The following SMARCA4 variants were observed in gnomAD, a reference collection of about 807,000 sequenced individuals.
The protein encoded by SMARCA4 is SWI/SNF related BAF chromatin remodeling complex subunit ATPase 4.
SMARCA4 carries 31 observed loss-of-function variants against 193.9 expected under a neutral mutation model. The ratio of observed to expected loss-of-function variants is 0.16; its 90% CI spans 0.12 to 0.22. The LOEUF (loss-of-function observed/expected upper bound fraction) is 0.22. Ranked by LOEUF, SMARCA4 falls within the 10% of genes least tolerant of loss-of-function variation. SMARCA4 has a pLI of 1.00. For synonymous variants in SMARCA4, 942 were observed against 933.1 expected (o/e 1.01, Z -0.17); for missense variants, 1,148 against 2,296.0 (o/e 0.50, Z 10.22).
At chr19:11,021,990 A>T (rs753218826) in intron 19 of SMARCA4, 23 bp downstream of exon 19, 1 of 1,611,478 alleles carries the variant, frequency 6.2e-7, no homozygotes, top group East Asian at 2.2e-5. Context: ...AGCTGTGCCC[A>T]TGCTGACGGT....
chr19:11,061,095 G>A (rs1191463294), intron 34 of SMARCA4, among the ~76,000 whole-genome samples: 1 of 151,498 alleles, frequency 6.6e-6, no homozygotes, highest in Admixed American at 6.6e-5. Flanking sequence ...AACTGAGGCA[G>A]GAGGCTCACT....
At chr19:11,028,250 G>A (rs1260370270) in intron 24 of SMARCA4, among the ~76,000 whole-genome samples, 1 of 152,216 alleles carries the variant, frequency 6.6e-6, no homozygotes, top group African/African-American at 2.4e-5. Context: ...TCCATACCAT[G>A]TGGACACAGG....
chr19:10,978,625 C>T (rs888713824), intron 1 of SMARCA4, among the ~76,000 whole-genome samples: 7 of 151,476 alleles, frequency 4.6e-5, no homozygotes, highest in Non-Finnish European at 8.8e-5. Flanking sequence ...CACGCCCGGC[C>T]GATACTTTCT....
intron 29 of SMARCA4, 80 bp downstream of exon 29, chr19:11,035,212 C>T: frequency 7.4e-7 from 1 of 1,352,832 alleles, no homozygotes; most frequent in African/African-American, 1.4e-5. Flanking sequence ...ACCGCCAGGA[C>T]TCAGGCCTGG....
rs909619103 is a variant in SMARCA4 at position 11,034,803 on chromosome 19, G to A, written c.3952-111G>A. The A allele has an allele frequency of 7.9e-5, 60 of 761,106 alleles. No homozygotes were observed. In the Middle Eastern group the frequency reaches 1.0e-3, roughly 13 times the overall value. The allele number at this position is 761,106 out of a possible 1,614,324, so 47.1% of individuals were successfully genotyped here. ...GCTACTGTTTAACTCTCGCAGCAGC[G>A]TGGAGCCCCACGGGCAGAGAAAGGC... is the stretch of plus-strand genomic sequence containing the variant. On this transcript the variant is annotated intron_variant, in intron 28 of 34. Coordinates refer to ENST00000344626, the MANE Select transcript of SMARCA4 (RefSeq NM_003072.5). This position sits in a 1 kb window ranked among gnomAD's most constrained non-coding sequence, Gnocchi z 7.0.
In SMARCA4 at chr19:11,019,329, A is replaced by G; in HGVS notation, c.2506-262A>G. The G allele has an allele frequency of 1.7e-6, 1 of 605,630 alleles. No homozygotes were observed. Among genetic ancestry groups the G allele is most frequent in the Non-Finnish European group, 2.9e-6 (1 of 339,504 alleles). 37.5% of individuals were successfully genotyped at this position (605,630 alleles called of 1,614,324 possible). Reference sequence around the variant, plus strand: ...AGCCTGTCAGCCACCAGGAATGTGCAGATGGCGGTGCAGGCTGCGTGGTTC... The same window carrying G: ...AGCCTGTCAGCCACCAGGAATGTGCGGATGGCGGTGCAGGCTGCGTGGTTC... On this transcript the variant is annotated intron_variant, in intron 17 of 34. Transcript: ENST00000344626. The surrounding 1 kb of genome is among the most constrained non-coding windows in gnomAD (Gnocchi z 6.1).
intron 1 of SMARCA4, among the ~76,000 whole-genome samples, chr19:10,970,410 C>G (rs1293984286): frequency 6.6e-6 from 1 of 152,100 alleles, no homozygotes; most frequent in African/African-American, 2.4e-5. Context: ...GTAGTGGGAG[C>G]AGTCTTATGG....
At chr19:11,013,851 C>T (rs1363179725) in intron 16 of SMARCA4, among the ~76,000 whole-genome samples, 1 of 152,152 alleles carries the variant, frequency 6.6e-6, no homozygotes, top group African/African-American at 2.4e-5. Flanking sequence ...TCCGGACACC[C>T]TGAGAGGCTC....
At chr19:11,039,355 GA>G (rs1253609633) in intron 29 of SMARCA4, 28 of 623,680 alleles carry the variant, frequency 4.5e-5, no homozygotes, top group Non-Finnish European at 4.9e-5. Flanking sequence ...CCCTGTCTCT[GA>G]AAAAAAGGGA....
chr19:11,020,876 G>GTC (rs2089805365), intron 18 of SMARCA4: 1 of 151,490 alleles, frequency 6.6e-6, no homozygotes, highest in Non-Finnish European at 1.5e-5. Context: ...TCTCACAGCT[G>GTC]TCACCCAGGC....
chr19:10,975,913 A>C (rs542883897), intron 1 of SMARCA4, among the ~76,000 whole-genome samples: 1 of 152,280 alleles, frequency 6.6e-6, no homozygotes, highest in East Asian at 1.9e-4. Context: ...AGGGCCGCAC[A>C]CATCTGGATT....
intron 30 of SMARCA4, among the ~76,000 whole-genome samples, chr19:11,055,644 A>T (rs2076502553): frequency 6.6e-6 from 1 of 152,228 alleles, no homozygotes; most frequent in African/African-American, 2.4e-5. Flanking sequence ...CCTCCAGGGC[A>T]AGGGCCACAG....
At position 10,985,609 on chromosome 19, in the gene SMARCA4, G is replaced by A. The variant is rs1337877481; in HGVS notation, c.355+204G>A. Among the ~76,000 whole-genome samples, 2 of 152,206 alleles carry A rather than the reference G, an allele frequency of 1.3e-5. No individual in the cohort carries two copies. Among genetic ancestry groups the A allele is most frequent in the Non-Finnish European group, 2.9e-5 (2 of 68,036 alleles). On this transcript the variant is annotated intron_variant, in intron 3 of 34. Coordinates refer to ENST00000344626, the MANE Select transcript of SMARCA4 (RefSeq NM_003072.5). This position sits in a 1 kb window ranked among gnomAD's most constrained non-coding sequence, Gnocchi z 4.5. ...CCTCGTCTCGGAGCAGCCCTGGAAG[G>A]GGAAATGCTGGTTGGGGGGCAGACC...
At position 10,995,082 on chromosome 19, in the gene SMARCA4, AC is replaced by A. The variant is rs2086899139; in HGVS notation, c.1593+82del. 4 of 1,321,364 alleles carry A rather than the reference AC, an allele frequency of 3.0e-6. No individual in the cohort carries two copies. In the South Asian group the frequency reaches 3.8e-5, roughly 13 times the overall value. The allele number at this position is 1,321,364 out of a possible 1,614,324, so 81.9% of individuals were successfully genotyped here. A position where few individuals can be genotyped will look rare whatever the true frequency, so the allele number is the denominator to read the frequency against. Reference sequence around the variant, plus strand: ...GCTCCAGGGGTCACTCCCCAGGGTTACGCCAAGGCATTTCACAGCTCGGAGT... The same window carrying A: ...GCTCCAGGGGTCACTCCCCAGGGTTAGCCAAGGCATTTCACAGCTCGGAGT... On this transcript the variant is annotated intron_variant, in intron 9 of 34. Transcript: ENST00000344626.
At chr19:11,055,224 C>T (rs1023719586) in intron 30 of SMARCA4, among the ~76,000 whole-genome samples, 2 of 152,138 alleles carry the variant, frequency 1.3e-5, no homozygotes, top group Non-Finnish European at 2.9e-5. Flanking sequence ...GAGTCTCACT[C>T]TGTCGCCCAG....
At chr19:11,057,586 G>A (rs1347589631) in intron 30 of SMARCA4, among the ~76,000 whole-genome samples, 4 of 151,972 alleles carry the variant, frequency 2.6e-5, no homozygotes, top group Admixed American at 2.6e-4. Context: ...AAAATTAGCC[G>A]GGTGTGGTGG....
At chr19:11,037,358 C>T (rs2075326808) in intron 29 of SMARCA4, among the ~76,000 whole-genome samples, 3 of 152,168 alleles carry the variant, frequency 2.0e-5, no homozygotes, top group African/African-American at 2.4e-5. Flanking sequence ...CATCCCAGCA[C>T]GTATGAAGTG....
chr19:11,011,814 G>A (rs994036159), intron 15 of SMARCA4: 9 of 152,336 alleles, frequency 5.9e-5, no homozygotes, highest in Admixed American at 2.0e-4. Flanking sequence ...TGTCGATCAG[G>A]TGTCTGTACT....
chr19:11,060,546 G>A, intron 34 of SMARCA4: 1 of 414,156 alleles, frequency 2.4e-6, no homozygotes, highest in Non-Finnish European at 4.5e-6. Flanking sequence ...TAGGATTGGG[G>A]ACCCACCAGA....
Sources: allele counts gnomAD v4.1 joint callset (sites outside exome capture counted in the v4.1 genomes callset), GRCh38; gene constraint gnomAD v4.1.1; non-coding constraint Gnocchi (gnomAD v3.1); transcripts MANE v1.5; gene names NCBI Gene and HGNC (gene_info 2026-07-23, HGNC 2026-07-21).